DLGAP1: variants seen among roughly 807,000 people sequenced by gnomAD.
The protein encoded by DLGAP1 is DLG associated protein 1.
A neutral mutation model predicts 90.8 loss-of-function variants in DLGAP1; 11 were observed. That is an observed-to-expected ratio of 0.12 (90% confidence interval 0.08 to 0.20). The LOEUF is 0.20. Among genes scored for constraint, DLGAP1 ranks in the 10% least tolerant of loss-of-function variants. The pLI is 1.00. For synonymous variants in DLGAP1, 558 were observed against 540.7 expected (o/e 1.03, Z -0.44); for missense variants, 1,050 against 1,333.8 (o/e 0.79, Z 3.31).
intron 2 of DLGAP1, among the ~76,000 whole-genome samples, chr18:4,128,012 A>G (rs1489138183): frequency 6.6e-6 from 1 of 152,190 alleles, no homozygotes; most frequent in African/African-American, 2.4e-5. Flanking sequence ...CTTGTTTTTT[A>G]TGGGATATTT....
chr18:4,422,834 A>G (rs1017805605), intron 1 of DLGAP1, among the ~76,000 whole-genome samples: 4 of 152,116 alleles, frequency 2.6e-5, no homozygotes, highest in Non-Finnish European at 5.9e-5. Flanking sequence ...AGTTGTCAGT[A>G]TACTCTATGA....
intron 2 of DLGAP1, among the ~76,000 whole-genome samples, chr18:4,117,891 C>G (rs1164828828): frequency 6.6e-6 from 1 of 152,152 alleles, no homozygotes; most frequent in Non-Finnish European, 1.5e-5. Context: ...GGCTTCTGCC[C>G]TTTGTGGATT....
chr18:3,700,213 C>T (rs984572736), intron 7 of DLGAP1, among the ~76,000 whole-genome samples: 6 of 152,190 alleles, frequency 3.9e-5, no homozygotes, highest in African/African-American at 7.2e-5. Context: ...TCTAAATAGC[C>T]ACCCAGTTTT....
intron 7 of DLGAP1, among the ~76,000 whole-genome samples, chr18:3,585,582 A>C (rs545459210): frequency 3.9e-5 from 6 of 152,346 alleles, no homozygotes; most frequent in African/African-American, 1.4e-4. Context: ...CAAATGTCTG[A>C]TCTTTTGGAT....
Position 3,937,893 on chromosome 18 carries a change from C to T in DLGAP1, c.-72-57753G>A, listed in dbSNP as rs1011205995. Among the ~76,000 whole-genome samples the T allele has an allele frequency of 2.6e-5, 4 of 152,124 alleles. No individual in the cohort carries two copies. The East Asian group carries it at 5.8e-4, about 22-fold the overall frequency. On this transcript the variant is annotated intron_variant, in intron 3 of 12. Transcript: ENST00000315677. Reference sequence around the variant, plus strand: ...TGTTTGCAAGGTGAGTCACTGTAAGCGAGCTCTTTAGACCCTCTGCACCCC... The same window carrying T: ...TGTTTGCAAGGTGAGTCACTGTAAGTGAGCTCTTTAGACCCTCTGCACCCC...
intron 3 of DLGAP1, among the ~76,000 whole-genome samples, chr18:3,953,920 T>C (rs1599212695): frequency 6.6e-6 from 1 of 152,348 alleles, no homozygotes; most frequent in Middle Eastern, 3.4e-3. Flanking sequence ...AGAGATTCCA[T>C]GGCTTGGATA....
intron 1 of DLGAP1, among the ~76,000 whole-genome samples, chr18:4,193,112 A>G (rs1044004996): frequency 6.6e-6 from 1 of 152,202 alleles, no homozygotes; most frequent in Non-Finnish European, 1.5e-5. Flanking sequence ...ACTAGAATTC[A>G]GTGTTATCAA....
chr18:4,399,246 A>G (rs1450223426), intron 1 of DLGAP1, among the ~76,000 whole-genome samples: 2 of 152,244 alleles, frequency 1.3e-5, no homozygotes, highest in Non-Finnish European at 2.9e-5. Flanking sequence ...TTAAAAAACT[A>G]TTGACACCAA....
At position 4,437,957 on chromosome 18, in the gene DLGAP1, C is replaced by G. The variant is rs562612474; in HGVS notation, c.-267+17049G>C. Among the ~76,000 whole-genome samples the G allele has an allele frequency of 8.5e-5, 13 of 152,268 alleles. 1 individual carries two copies. Among genetic ancestry groups the G allele is most frequent in the Middle Eastern group, 3.4e-3 (1 of 294 alleles). On this transcript the variant is annotated intron_variant, in intron 1 of 12. Coordinates refer to ENST00000315677, the MANE Select transcript of DLGAP1 (RefSeq NM_004746.4). ...CATTTCTACTTGCTTCTTATAATCT[C>G]TGAATTGTCCACTTAATATAGTTGG...
rs530583960 is a variant in DLGAP1, at chr18:3,780,865, A to C, written c.1172+33194T>G. The stretch of plus-strand genomic sequence containing the variant: ...TTGCCCACCAGGAGTGCAGTGGTGC[A>C]ATCTTAGCTCACTGGCTCACTGCAA... On this transcript the variant is annotated intron_variant, in intron 5 of 12. Transcript: ENST00000315677. 7.6e-4 allele frequency among the ~76,000 whole-genome samples: 113 copies of C among 148,202 alleles called. 1 individual carries two copies. Among genetic ancestry groups the C allele is most frequent in the Non-Finnish European group, 5.1e-4 (34 of 67,232 alleles).
chr18:3,905,334 T>G, intron 3 of DLGAP1, among the ~76,000 whole-genome samples: 1 of 109,768 alleles, frequency 9.1e-6, no homozygotes, highest in South Asian at 3.4e-4. Context: ...GCCACTGCAC[T>G]CCAGCCTGGG....
intron 2 of DLGAP1, among the ~76,000 whole-genome samples, chr18:4,060,326 C>T (rs1479506101): frequency 6.6e-6 from 1 of 152,132 alleles, no homozygotes; most frequent in South Asian, 2.1e-4. Context: ...GCAAATGGCA[C>T]CCCCTCCCTC....
At chr18:4,032,084 G>C (rs1443730560) in intron 2 of DLGAP1, among the ~76,000 whole-genome samples, 1 of 152,126 alleles carries the variant, frequency 6.6e-6, no homozygotes, top group Non-Finnish European at 1.5e-5. Flanking sequence ...ATTGGTCATG[G>C]GGCATGAGTG....
At chr18:4,435,543 C>G (rs1385579990) in intron 1 of DLGAP1, among the ~76,000 whole-genome samples, 1 of 152,116 alleles carries the variant, frequency 6.6e-6, no homozygotes, top group Non-Finnish European at 1.5e-5. Flanking sequence ...ACAAAGGAGG[C>G]AGCAGCATTC....
chr18:3,631,147 A>ATTT (rs796807690), intron 7 of DLGAP1, among the ~76,000 whole-genome samples: 1 of 142,102 alleles, frequency 7.0e-6, no homozygotes. Context: ...CGCCCAGTTA[A>ATTT]TTTTTTTTTT....
chr18:3,884,337 A>G (rs939335594), intron 3 of DLGAP1, among the ~76,000 whole-genome samples: 2 of 152,216 alleles, frequency 1.3e-5, no homozygotes, highest in Non-Finnish European at 1.5e-5. Context: ...ATAGACACAT[A>G]CTAACTTTTA....
At chr18:4,211,568 T>C (rs116803259) in intron 1 of DLGAP1, among the ~76,000 whole-genome samples, 1,574 of 152,188 alleles carry the variant, frequency 0.01, 26 homozygotes, top group African/African-American at 0.034. Flanking sequence ...GTTTCCTCAG[T>C]GGAATATCCT....
At chr18:3,907,614 G>A (rs2071938356) in intron 3 of DLGAP1, among the ~76,000 whole-genome samples, 1 of 152,170 alleles carries the variant, frequency 6.6e-6, no homozygotes, top group African/African-American at 2.4e-5. Context: ...GAAGGAAGAG[G>A]TGAAGATTCC....
intron 5 of DLGAP1, among the ~76,000 whole-genome samples, chr18:3,789,390 ACTT>A (rs369206385): frequency 7.2e-5 from 11 of 152,208 alleles, no homozygotes; most frequent in African/African-American, 2.7e-4. Context: ...AAAGCTGGAA[ACTT>A]CTCAGAGATG....
Sources: allele counts gnomAD v4.1 joint callset (sites outside exome capture counted in the v4.1 genomes callset), GRCh38; gene constraint gnomAD v4.1.1; transcripts MANE v1.5; gene names NCBI Gene and HGNC (gene_info 2026-07-23, HGNC 2026-07-21).